TFAP2D: variants seen among roughly 807,000 people sequenced by gnomAD.
The protein encoded by TFAP2D is transcription factor AP-2-delta.
TFAP2D carries 9 observed loss-of-function variants against 43.6 expected under a neutral mutation model. The ratio of observed to expected loss-of-function variants is 0.21; its 90% CI spans 0.12 to 0.36. The LOEUF is 0.36. Among genes scored for constraint, TFAP2D ranks in the 10% least tolerant of loss-of-function variants. TFAP2D has a pLI of 1.00. For missense variants in TFAP2D, 513 were observed against 561.4 expected (o/e 0.91, Z 0.87); for synonymous variants, 256 against 224.9 (o/e 1.14, Z -1.24).
intron 5 of TFAP2D, among the ~76,000 whole-genome samples, chr6:50,738,361 A>G (rs1768991141): frequency 6.6e-6 from 1 of 151,976 alleles, no homozygotes; most frequent in Non-Finnish European, 1.5e-5. Flanking sequence ...TTGTTTATTG[A>G]GGTCTTTGCA....
intron 2 of TFAP2D, 73 bp downstream of exon 2, chr6:50,715,686 C>T: frequency 7.0e-7 from 1 of 1,438,674 alleles, no homozygotes; most frequent in Non-Finnish European, 9.3e-7. Flanking sequence ...ATTAATGCTC[C>T]GACTGTAAAG....
intron 5 of TFAP2D, among the ~76,000 whole-genome samples, chr6:50,735,070 C>A (rs1768943920): frequency 6.6e-6 from 1 of 152,048 alleles, no homozygotes; most frequent in South Asian, 2.1e-4. Flanking sequence ...AAATAACACC[C>A]TTCACATAAG....
intron 6 of TFAP2D, among the ~76,000 whole-genome samples, chr6:50,746,451 T>C (rs952738038): frequency 6.6e-6 from 1 of 152,132 alleles, no homozygotes; most frequent in African/African-American, 2.4e-5. Flanking sequence ...TTGCCCAGGC[T>C]GGTCTCAAAC....
At chr6:50,757,613 T>TATTCTATATATATAGA in intron 7 of TFAP2D, among the ~76,000 whole-genome samples, 1 of 68,496 alleles carries the variant, frequency 1.5e-5, no homozygotes, top group Non-Finnish European at 2.5e-5. Context: ...TATATATAAT[T>TATTCTATATATATAGA]ATTCTATATA....
intron 7 of TFAP2D, among the ~76,000 whole-genome samples, chr6:50,752,672 T>C (rs1769215241): frequency 6.6e-6 from 1 of 151,868 alleles, no homozygotes; most frequent in Non-Finnish European, 1.5e-5. Context: ...AGACTCAACT[T>C]AGGATTTATC....
rs907071869 is a variant in TFAP2D, at chr6:50,761,665, G to C, written c.1139+10341G>C. ...TGCTTTACTGGTCTAATTTAAATTA[G>C]TTTAGACAAATCAATTAAAGTAAAG... On this transcript the variant is annotated intron_variant, in intron 7 of 7. Coordinates refer to ENST00000008391, the MANE Select transcript of TFAP2D (RefSeq NM_172238.4). 2.0e-5 allele frequency among the ~76,000 whole-genome samples: 3 copies of C among 152,018 alleles called. No homozygotes were observed. In the East Asian group the frequency reaches 5.8e-4, roughly 29 times the overall value.
chr6:50,718,604 CA>C (rs1791434636), intron 2 of TFAP2D, among the ~76,000 whole-genome samples: 1 of 152,130 alleles, frequency 6.6e-6, no homozygotes, highest in South Asian at 2.1e-4. Context: ...GGTAGGATTA[CA>C]GGATGTTCCT....
At chr6:50,767,940 C>A (rs1166698979) in intron 7 of TFAP2D, among the ~76,000 whole-genome samples, 1 of 152,124 alleles carries the variant, frequency 6.6e-6, no homozygotes, top group African/African-American at 2.4e-5. Context: ...TCTCCAGGGC[C>A]TCATTGAGGA....
chr6:50,714,140 T>TGGC (rs777438881), intron 1 of TFAP2D, 46 bp downstream of exon 1: 9 of 1,558,882 alleles, frequency 5.8e-6, no homozygotes, highest in African/African-American at 2.9e-5. Context: ...CGCGTGTGTG[T>TGGC]GGCGGCGGCG....
chr6:50,742,888 A>G (rs1769071899), intron 5 of TFAP2D, among the ~76,000 whole-genome samples: 1 of 151,418 alleles, frequency 6.6e-6, no homozygotes. Flanking sequence ...AACTTCTCAA[A>G]TAATCTCCCT....
intron 5 of TFAP2D, among the ~76,000 whole-genome samples, chr6:50,743,295 A>G (rs972756728): frequency 6.6e-6 from 1 of 152,134 alleles, no homozygotes; most frequent in Non-Finnish European, 1.5e-5. Flanking sequence ...ATTAAACTAG[A>G]CTTTTTTGCT....
chr6:50,715,098 T>C lies in TFAP2D; in HGVS notation c.40-18T>C. 8 of 1,605,310 alleles carry C rather than the reference T, an allele frequency of 5.0e-6. No individual in the cohort carries two copies. The highest frequency in any genetic ancestry group is 6.8e-6 in the Non-Finnish European group (8 of 1,172,954). On this transcript the variant is annotated intron_variant, in intron 1 of 7. Coordinates refer to ENST00000008391, the MANE Select transcript of TFAP2D (RefSeq NM_172238.4). The stretch of plus-strand genomic sequence containing the variant: ...CCTCAAGTTTTTCTGCTCTCCCTTT[T>C]CCCCCTCTTCCTTCCAGATACGTCA...
chr6:50,737,219 G>T (rs551092778), intron 5 of TFAP2D, among the ~76,000 whole-genome samples: 3 of 152,076 alleles, frequency 2.0e-5, no homozygotes, highest in Non-Finnish European at 2.9e-5. Flanking sequence ...TGACCCTTCC[G>T]CCTTGGCCTC....
chr6:50,728,949 T>C lies in TFAP2D; in HGVS notation c.692T>C (p.Ile231Thr). ...LSSTSKYKVT[I>T]AEVKRRLSPP... ...TCTACTTCCAAATACAAGGTGACCATTGCTGAGGTAAAGAGGCGCCTCTCC... is the reference window on the plus strand; with the variant it reads ...TCTACTTCCAAATACAAGGTGACCACTGCTGAGGTAAAGAGGCGCCTCTCC... Residue 231 changes from isoleucine (I) to threonine (T), a missense_variant, in exon 4 of 8, where the codon ATT becomes ACT. Ile to Thr is a moderately conservative substitution (Grantham distance 89). Transcript: ENST00000008391. 1 of 1,614,032 alleles carries C rather than the reference T, an allele frequency of 6.2e-7. No homozygotes were observed. The highest frequency in any genetic ancestry group is 1.1e-5 in the South Asian group (1 of 91,068).
At chr6:50,736,756 T>C (rs1768968496) in intron 5 of TFAP2D, among the ~76,000 whole-genome samples, 1 of 152,166 alleles carries the variant, frequency 6.6e-6, no homozygotes, top group Non-Finnish European at 1.5e-5. Context: ...CTGTTCCTAC[T>C]CATGGTGACT....
chr6:50,753,404 C>T (rs751234647), intron 7 of TFAP2D, among the ~76,000 whole-genome samples: 10 of 151,910 alleles, frequency 6.6e-5, no homozygotes, highest in Non-Finnish European at 1.3e-4. Context: ...GCACAACTTG[C>T]TGATTTGTCA....
chr6:50,752,772 G>C (rs1303901716), intron 7 of TFAP2D, among the ~76,000 whole-genome samples: 1 of 151,802 alleles, frequency 6.6e-6, no homozygotes, highest in Non-Finnish European at 1.5e-5. Flanking sequence ...AATAAAACTG[G>C]GGGAAAATAA....
intron 3 of TFAP2D, among the ~76,000 whole-genome samples, chr6:50,719,723 G>T (rs1054282157): frequency 6.6e-6 from 1 of 152,148 alleles, no homozygotes; most frequent in Admixed American, 6.5e-5. Flanking sequence ...AAGTGTCCAG[G>T]ACATTTCTTT....
chr6:50,714,398 G>C (rs1768579404), intron 1 of TFAP2D, among the ~76,000 whole-genome samples: 1 of 151,890 alleles, frequency 6.6e-6, no homozygotes, highest in Admixed American at 6.6e-5. Flanking sequence ...GAGACGGAAA[G>C]AAAGATTCTC....
Sources: gnomAD v4.1 joint callset for allele counts (sites outside exome capture counted in the v4.1 genomes callset) on GRCh38, gnomAD v4.1.1 for gene constraint, MANE v1.5 for transcripts, NCBI Gene and HGNC (gene_info 2026-07-23, HGNC 2026-07-21) for gene names.